PAX4: variants seen among roughly 807,000 people sequenced by gnomAD.
PAX4 encodes the protein paired box protein Pax-4.
PAX4 carries 33 observed loss-of-function variants against 40.6 expected under a neutral mutation model. The ratio of observed to expected loss-of-function variants is 0.81; its 90% confidence interval spans 0.62 to 1.09. The LOEUF is 1.09. Ranked by LOEUF, PAX4 falls within the 50% of genes least tolerant of loss-of-function variation. The pLI is 0.00. For synonymous variants in PAX4, 174 were observed against 170.6 expected, an observed-to-expected ratio of 1.02 and a Z score of -0.16; for missense variants, 459 against 442.5, an observed-to-expected ratio of 1.04 and a Z score of -0.33.
intron 5 of PAX4, 84 bp from the exon 6 acceptor site, chr7:127,614,641 T>C: frequency 8.1e-7 from 1 of 1,242,046 alleles, no homozygotes; most frequent in Admixed American, 2.0e-5. Context: ...ATATCCTTTT[T>C]CCCATCTGTC....
chr7:127,612,122 G>C, intron 9 of PAX4, 122 bp from the exon 10 acceptor site: 1 of 887,392 alleles, frequency 1.1e-6, no homozygotes, highest in Non-Finnish European at 1.8e-6. Flanking sequence ...CTTCTTGCAG[G>C]GGTGTGAAGA....
intron 2 of PAX4, among the ~76,000 whole-genome samples, chr7:127,616,416 T>C (rs1794723888): frequency 6.6e-6 from 1 of 152,198 alleles, no homozygotes. Context: ...AGCCAGAGAT[T>C]CTGGGGTCCT....
In PAX4 at chr7:127,612,112, C is replaced by T. The variant is rs994899914; in HGVS notation, c.716-112G>A. On this transcript the variant is annotated intron_variant, in intron 9 of 11. Coordinates refer to ENST00000639438, the MANE Select transcript of PAX4 (RefSeq NM_001366110.1). Reference sequence around the variant, plus strand: ...AAAGAGGTTCTAGGAAAGTCAGCCACTTCTTGCAGGGGTGTGAAGAGATGG... The same window carrying T: ...AAAGAGGTTCTAGGAAAGTCAGCCATTTCTTGCAGGGGTGTGAAGAGATGG... The T allele has an allele frequency of 3.1e-6, 3 of 979,850 alleles. No individual in the cohort carries two copies. In the African/African-American group the frequency reaches 4.8e-5, roughly 16 times the overall value. 60.7% of individuals were successfully genotyped at this position (979,850 alleles called of 1,614,324 possible).
intron 2 of PAX4, among the ~76,000 whole-genome samples, chr7:127,616,634 C>T (rs912829850): frequency 6.6e-6 from 1 of 152,178 alleles, no homozygotes; most frequent in Non-Finnish European, 1.5e-5. Context: ...CCTGAAGAGC[C>T]GGCTTCTCCT....
intron 1 of PAX4, 133 bp from the exon 2 acceptor site, chr7:127,617,533 A>G (rs1433938694): frequency 6.6e-6 from 1 of 152,126 alleles, no homozygotes; most frequent in African/African-American, 2.4e-5. Context: ...CACAAAAACA[A>G]TGGAGAGAGG....
At position 127,614,940 on chromosome 7, in the gene PAX4, G is replaced by A; in HGVS notation, c.300C>T (p.Ala100=). 4 of 1,614,212 alleles carry A rather than the reference G, an allele frequency of 2.5e-6. No individual in the cohort carries two copies. The highest frequency in any genetic ancestry group is 2.2e-5 in the South Asian group (2 of 91,084). The change falls in exon 5 of 12, where the codon GCC becomes GCT. Residue 100 remains alanine, a synonymous_variant. Transcript: ENST00000639438. ...CACAAAGCTGGCGTTGGATTTCCCA[G>A]GCAAAGAGGGCTGGACACTCACCCT... ...QLKGECPALF[A]WEIQRQLCAE...
At chr7:127,612,063 G>A (rs1378814901) in intron 9 of PAX4, 63 bp from the exon 10 acceptor site, 1 of 1,504,278 alleles carries the variant, frequency 6.6e-7, no homozygotes, top group African/African-American at 1.4e-5. Context: ...GAGGAGTGTG[G>A]TGAGAGGCAG....
chr7:127,610,845 C>T lies in PAX4; in HGVS notation c.*219G>A. 6.5e-7 allele frequency: 1 copy of T among 1,534,870 alleles called. No homozygotes were observed. The highest frequency in any genetic ancestry group is 8.7e-7 in the Non-Finnish European group (1 of 1,144,624). Reference sequence around the variant, plus strand: ...TTTTATTACTGCTGAGTGGAGGCCTCTTAAGGCTAGTGTGAGAAGTGGGTG... The same window carrying T: ...TTTTATTACTGCTGAGTGGAGGCCTTTTAAGGCTAGTGTGAGAAGTGGGTG... On this transcript the variant is annotated 3_prime_UTR_variant, in exon 12 of 12. Transcript: ENST00000639438.
At chr7:127,616,163 ATT>A (rs1794720820) in intron 2 of PAX4, 136 bp from the exon 3 acceptor site, 1 of 570,636 alleles carries the variant, frequency 1.8e-6, no homozygotes, top group East Asian at 2.9e-5. Flanking sequence ...AATTCCTTTT[ATT>A]TAAACCTTTG....
chr7:127,612,836 T>G, intron 9 of PAX4, among the ~76,000 whole-genome samples, 186 bp downstream of exon 9: 5 of 129,830 alleles, frequency 3.9e-5, no homozygotes, highest in Admixed American at 1.6e-4. Flanking sequence ...GTGGGTGTGG[T>G]GGGTGGATGA....
At chr7:127,611,247 A>ACCC (rs1429988671) in intron 11 of PAX4, 41 bp from the exon 12 acceptor site, 1 of 1,524,334 alleles carries the variant, frequency 6.6e-7, no homozygotes, top group Non-Finnish European at 8.9e-7. Context: ...TATTGCTCCC[A>ACCC]CCCCACCTCT....
At position 127,610,573 on chromosome 7, in the gene PAX4, G is replaced by GCA. The variant is rs1266803515; in HGVS notation, c.*490_*491insTG. The GCA allele has an allele frequency of 4.1e-5, 12 of 294,740 alleles. No homozygotes were observed. Among genetic ancestry groups the GCA allele is most frequent in the East Asian group, 1.1e-4 (2 of 19,006 alleles). 18.3% of individuals were successfully genotyped at this position (294,740 alleles called of 1,614,324 possible). A position where few individuals can be genotyped will look rare whatever the true frequency, so the allele number is the denominator to read the frequency against. ...TGTGTGTGTGTGTGTGTGTGTGTGC[G>GCA]CGCACGCATGCACGCATACATAATA... On this transcript the variant is annotated 3_prime_UTR_variant, in exon 12 of 12. Coordinates refer to ENST00000639438, the MANE Select transcript of PAX4 (RefSeq NM_001366110.1).
intron 11 of PAX4, 128 bp from the exon 12 acceptor site, chr7:127,611,334 C>A (rs1794622083): frequency 7.6e-7 from 1 of 1,314,962 alleles, no homozygotes; most frequent in African/African-American, 1.5e-5. Context: ...AGTCTCACAT[C>A]CTTTACCTGC....
rs753106111 is a variant in PAX4, at chr7:127,613,570, A to C, written c.563-38T>G. ...AGTCTCACAAAGTAAGGGCACCGGG[A>C]GAGGAGCAAGGCATGGGTCTCCCCT... On this transcript the variant is annotated intron_variant, in intron 7 of 11. Coordinates refer to ENST00000639438, the MANE Select transcript of PAX4 (RefSeq NM_001366110.1). 10 of 1,607,562 alleles carry C rather than the reference A, an allele frequency of 6.2e-6. No homozygotes were observed. In the Admixed American group the frequency reaches 1.5e-4, roughly 24 times the overall value.
In PAX4 at chr7:127,611,184, A is replaced by T; in HGVS notation, c.936T>A (p.Asn312Lys). 1 of 1,603,286 alleles carries T rather than the reference A, an allele frequency of 6.2e-7. No individual in the cohort carries two copies. Among genetic ancestry groups the T allele is most frequent in the Non-Finnish European group, 8.5e-7 (1 of 1,175,144 alleles). Residue 312 changes from asparagine to lysine, a missense_variant, in exon 12 of 12, where the codon AAT (asparagine) becomes AAA (lysine). Coordinates refer to ENST00000639438, the MANE Select transcript of PAX4 (RefSeq NM_001366110.1). ...PCWGHLPPQP[N>K]SLDSGLLCLP... ...GGCAAAGCAGTCCTGAGTCCAGGGA[A>T]TTCGGCTGTGGGGGCAAGTGGCCTG... is the stretch of plus-strand genomic sequence containing the variant.
chr7:127,615,145 A>G (rs1384111276), intron 4 of PAX4, 50 bp from the exon 5 acceptor site: 1 of 1,613,632 alleles, frequency 6.2e-7, no homozygotes, highest in Non-Finnish European at 8.5e-7. Flanking sequence ...GGCAGAAGGA[A>G]GGAGAGTGTC....
chr7:127,611,733 A>T, intron 10 of PAX4, 57 bp from the exon 11 acceptor site: 1 of 1,603,398 alleles, frequency 6.2e-7, no homozygotes, highest in African/African-American at 1.3e-5. Context: ...CCTGTAGAGA[A>T]CGCCGGGACC....
intron 9 of PAX4, among the ~76,000 whole-genome samples, 159 bp downstream of exon 9, chr7:127,612,863 T>C (rs909151389): frequency 6.6e-6 from 1 of 150,468 alleles, no homozygotes; most frequent in Non-Finnish European, 1.5e-5. Flanking sequence ...GATGAATGGA[T>C]GGATGGATAG....
At chr7:127,616,103 G>A (rs899557295) in intron 2 of PAX4, 76 bp from the exon 3 acceptor site, 14 of 682,612 alleles carry the variant, frequency 2.1e-5, no homozygotes, top group African/African-American at 5.4e-5. Flanking sequence ...TGTGATAGAG[G>A]GTCAGGTTCC....
Sources: allele counts gnomAD v4.1 joint callset (sites outside exome capture counted in the v4.1 genomes callset), GRCh38; gene constraint gnomAD v4.1.1; transcripts MANE v1.5; gene names NCBI Gene and HGNC (gene_info 2026-07-23, HGNC 2026-07-21).